Variants in NALCN observed in about 807,000 individuals in gnomAD.
NALCN encodes sodium leak channel NALCN.
A neutral mutation model predicts 225.3 loss-of-function variants in NALCN; 111 were observed. The ratio of observed to expected loss-of-function variants is 0.49; its 90% CI spans 0.42 to 0.58. NALCN has a LOEUF of 0.58. Ranked by LOEUF, NALCN falls within the 20% of genes least tolerant of loss-of-function variation. The pLI, the probability that NALCN is intolerant of heterozygous loss-of-function variation, is 0.00. For missense variants in NALCN, 1,378 were observed against 2,202.4 expected, an observed-to-expected ratio of 0.63 and a Z score of 7.49; for synonymous variants, 764 against 769.0, an observed-to-expected ratio of 0.99 and a Z score of 0.11.
chr13:101,193,734 C>G (rs1014462108), intron 13 of NALCN, among the ~76,000 whole-genome samples: 3 of 152,112 alleles, frequency 2.0e-5, no homozygotes, highest in African/African-American at 7.2e-5. Context: ...CATCACTTAT[C>G]CTTATAAGTA....
intron 6 of NALCN, among the ~76,000 whole-genome samples, chr13:101,364,623 T>G (rs1340488728): frequency 6.6e-6 from 1 of 152,032 alleles, no homozygotes; most frequent in East Asian, 1.9e-4. Flanking sequence ...GGTGAATGGG[T>G]ACAAAAATAC....
intron 7 of NALCN, among the ~76,000 whole-genome samples, chr13:101,314,608 A>G (rs932881353): frequency 6.6e-6 from 1 of 152,218 alleles, no homozygotes; most frequent in South Asian, 2.1e-4. Flanking sequence ...TTTCCACAAT[A>G]TCACCCACAT....
At position 101,149,916 on chromosome 13, in the gene NALCN, C is replaced by A. The variant is rs548346798; in HGVS notation, c.1840-5020G>T. 2.0e-5 allele frequency among the ~76,000 whole-genome samples: 3 copies of A among 152,330 alleles called. No homozygotes were observed. The South Asian group carries it at 6.2e-4, about 32-fold the overall frequency. ...CTGTGGATCCTCTCCTAGGTGCGTG[C>A]CTGCAAGAACTGCGTGCACACCCAC... is the stretch of plus-strand genomic sequence containing the variant. On this transcript the variant is annotated intron_variant, in intron 15 of 43. Coordinates refer to ENST00000251127, the MANE Select transcript of NALCN (RefSeq NM_052867.4).
At chr13:101,184,923 A>T (rs749675895) in intron 14 of NALCN, among the ~76,000 whole-genome samples, 1 of 152,026 alleles carries the variant, frequency 6.6e-6, no homozygotes, top group Non-Finnish European at 1.5e-5. Context: ...TAGCTTAAAG[A>T]TGTCCCTTTA....
chr13:101,060,218 G>A (rs971880268), intron 41 of NALCN, among the ~76,000 whole-genome samples: 3 of 149,546 alleles, frequency 2.0e-5, no homozygotes, highest in Non-Finnish European at 4.4e-5. Context: ...GAATAGTGAC[G>A]GTCATTGATG....
At chr13:101,111,288 A>G (rs956663033) in intron 18 of NALCN, 62 bp from the exon 19 acceptor site, 3 of 1,337,324 alleles carry the variant, frequency 2.2e-6, no homozygotes, top group Admixed American at 4.0e-5. Context: ...TGAATAACAC[A>G]TAAGTGCTCA....
chr13:101,083,040 G>A, intron 32 of NALCN, 52 bp downstream of exon 32: 1 of 1,572,652 alleles, frequency 6.4e-7, no homozygotes, highest in Non-Finnish European at 8.8e-7. Context: ...ACTCTCGGAT[G>A]TAGCAGTGAA....
At chr13:101,214,257 G>C (rs1203984782) in intron 13 of NALCN, among the ~76,000 whole-genome samples, 1 of 138,024 alleles carries the variant, frequency 7.2e-6, no homozygotes, top group Non-Finnish European at 1.5e-5. Context: ...AGAACATTTG[G>C]ACACAGGGTG....
chr13:101,280,024 G>A (rs1336826297), intron 10 of NALCN, among the ~76,000 whole-genome samples: 1 of 151,758 alleles, frequency 6.6e-6, no homozygotes, highest in African/African-American at 2.4e-5. Flanking sequence ...AAGTATTTCA[G>A]GACCATTTTA....
intron 13 of NALCN, among the ~76,000 whole-genome samples, chr13:101,211,099 G>A (rs985393808): frequency 6.6e-6 from 1 of 151,968 alleles, no homozygotes; most frequent in African/African-American, 2.4e-5. Context: ...TTAATAACAC[G>A]GTCATGTTTT....
chr13:101,078,586 T>G (rs531291230), intron 34 of NALCN, among the ~76,000 whole-genome samples: 50 of 152,320 alleles, frequency 3.3e-4, no homozygotes, highest in African/African-American at 1.2e-3. Context: ...CCATTTGGAA[T>G]GGGTATATTT....
At position 101,229,597 on chromosome 13, in the gene NALCN, A is replaced by G; in HGVS notation, c.1435-13T>C. The stretch of plus-strand genomic sequence containing the variant: ...CTACTCGGAGAACCTATCAAGGGAG[A>G]GAGAAACATTTATTTACACATATGA... On this transcript the variant is annotated splice_polypyrimidine_tract_variant and intron_variant, in intron 12 of 43. Transcript: ENST00000251127. The G allele has an allele frequency of 6.5e-7, 1 of 1,535,280 alleles. No homozygotes were observed. The highest frequency in any genetic ancestry group is 8.8e-7 in the Non-Finnish European group (1 of 1,142,380).
intron 1 of NALCN, among the ~76,000 whole-genome samples, chr13:101,407,177 T>C (rs931002008): frequency 1.3e-5 from 2 of 152,156 alleles, no homozygotes; most frequent in African/African-American, 4.8e-5. Context: ...GCAGACAAAA[T>C]AGAAATTCTC....
intron 13 of NALCN, among the ~76,000 whole-genome samples, chr13:101,217,944 G>T (rs1054994707): frequency 6.6e-6 from 1 of 152,168 alleles, no homozygotes; most frequent in African/African-American, 2.4e-5. Flanking sequence ...TATAGGAGCA[G>T]CTTTGGAGAC....
intron 43 of NALCN, 112 bp from the exon 44 acceptor site, chr13:101,055,600 G>T: frequency 2.5e-6 from 2 of 792,058 alleles, no homozygotes; most frequent in Non-Finnish European, 4.0e-6. Context: ...ACGTGTCCTA[G>T]CCACAGATGC....
intron 7 of NALCN, among the ~76,000 whole-genome samples, chr13:101,296,807 A>G (rs1178343641): frequency 3.3e-5 from 5 of 152,210 alleles, no homozygotes; most frequent in Non-Finnish European, 7.3e-5. Flanking sequence ...CAATCACAAC[A>G]ATGATACTCA....
chr13:101,214,410 G>A (rs1015246995), intron 13 of NALCN, among the ~76,000 whole-genome samples: 3 of 152,130 alleles, frequency 2.0e-5, no homozygotes, highest in South Asian at 2.1e-4. Context: ...AAACCTGCAC[G>A]TTATGCACAT....
rs375526125 is a variant in NALCN at position 101,274,181 on chromosome 13, T to C, written c.1134+9752A>G. Among the ~76,000 whole-genome samples the C allele has an allele frequency of 2.6e-5, 4 of 152,216 alleles. No individual in the cohort carries two copies. In the East Asian group the frequency reaches 7.7e-4, roughly 29 times the overall value. ...CCCAGAAATTGCTGTCCTAGCTATA[T>C]ATGTTAGAACACCTCTCTCACGTGT... On this transcript the variant is annotated intron_variant, in intron 10 of 43. Transcript: ENST00000251127.
chr13:101,338,554 T>A (rs889081633), intron 7 of NALCN, among the ~76,000 whole-genome samples: 1 of 152,206 alleles, frequency 6.6e-6, no homozygotes, highest in Non-Finnish European at 1.5e-5. Flanking sequence ...TTTGTTCTCA[T>A]CTCTTGTACC....
Sources: gnomAD v4.1 joint callset for allele counts (sites outside exome capture counted in the v4.1 genomes callset) on GRCh38, gnomAD v4.1.1 for gene constraint, MANE v1.5 for transcripts, NCBI Gene and HGNC (gene_info 2026-07-23, HGNC 2026-07-21) for gene names.